KLHL20: variants seen among roughly 807,000 people sequenced by gnomAD.
KLHL20 encodes kelch-like protein 20.
Under a neutral mutation model 69.5 loss-of-function variants are expected in KLHL20, and 29 were observed. The observed-to-expected ratio is 0.42, with a 90% CI of 0.31 to 0.57. The LOEUF (loss-of-function observed/expected upper bound fraction) is 0.57. KLHL20 is among the 20% of genes least tolerant of loss of function. The pLI, the probability that KLHL20 is intolerant of heterozygous loss-of-function variation, is 0.18. For missense variants in KLHL20, 419 were observed against 776.0 expected (o/e 0.54, Z 5.47); for synonymous variants, 253 against 265.2 (o/e 0.95, Z 0.45).
intron 2 of KLHL20, among the ~76,000 whole-genome samples, chr1:173,732,667 A>G (rs1184493745): frequency 6.6e-6 from 1 of 152,220 alleles, no homozygotes; most frequent in Non-Finnish European, 1.5e-5. Flanking sequence ...TACCATAGAA[A>G]AATGCAAACC....
intron 2 of KLHL20, among the ~76,000 whole-genome samples, chr1:173,726,593 A>G (rs566555284): frequency 3.9e-5 from 6 of 152,280 alleles, no homozygotes; most frequent in South Asian, 4.1e-4. Flanking sequence ...TTGTTCACCA[A>G]TATCCGCTGT....
intron 2 of KLHL20, among the ~76,000 whole-genome samples, chr1:173,731,476 A>G (rs959283346): frequency 6.6e-6 from 1 of 152,222 alleles, no homozygotes; most frequent in Admixed American, 6.5e-5. Flanking sequence ...CCAAATGTCC[A>G]ACAGTGATAG....
At chr1:173,729,030 A>T (rs1483801817) in intron 2 of KLHL20, among the ~76,000 whole-genome samples, 2 of 152,244 alleles carry the variant, frequency 1.3e-5, no homozygotes, top group South Asian at 2.1e-4. Context: ...GCAATAAAAA[A>T]TGATAAAGGG....
chr1:173,745,246 A>G (rs1287041140), intron 3 of KLHL20, among the ~76,000 whole-genome samples: 2 of 137,908 alleles, frequency 1.5e-5, no homozygotes, highest in Non-Finnish European at 3.0e-5. Flanking sequence ...ACCTCCACTC[A>G]CTGCAACCTC....
intron 7 of KLHL20, among the ~76,000 whole-genome samples, chr1:173,763,773 CTG>C (rs376974770): frequency 1.6e-3 from 239 of 150,648 alleles, no homozygotes; most frequent in Middle Eastern, 0.01. Context: ...AGACCTGAAA[CTG>C]TAAAAATTCT....
At chr1:173,726,255 G>A (rs911534124) in intron 2 of KLHL20, among the ~76,000 whole-genome samples, 6 of 151,976 alleles carry the variant, frequency 3.9e-5, no homozygotes, top group East Asian at 1.9e-4. Flanking sequence ...TGGGAAGCTC[G>A]AACGTGGTGG....
At chr1:173,782,060 C>T (rs1648914843) in intron 10 of KLHL20, 64 bp from the exon 11 acceptor site, 2 of 1,081,690 alleles carry the variant, frequency 1.8e-6, no homozygotes, top group East Asian at 2.4e-5. Context: ...ATCTAGAAAC[C>T]AGTCTATAAT....
intron 8 of KLHL20, among the ~76,000 whole-genome samples, chr1:173,771,348 G>A (rs1299280956): frequency 6.6e-6 from 1 of 152,146 alleles, no homozygotes; most frequent in Non-Finnish European, 1.5e-5. Context: ...AGGCTGCAGT[G>A]AGCTATGATC....
At chr1:173,781,476 C>G (rs1648873456) in intron 10 of KLHL20, among the ~76,000 whole-genome samples, 1 of 152,112 alleles carries the variant, frequency 6.6e-6, no homozygotes, top group Non-Finnish European at 1.5e-5. Flanking sequence ...CCACCACACC[C>G]AGCTAATTTT....
chr1:173,774,323 C>T lies in KLHL20; in HGVS notation c.1314C>T (p.Asn438=). ...NIVERYDPKE[N]KWTRVASMST... is the part of the protein sequence containing the mutation. Reference sequence around the variant, plus strand: ...ACTGCAGGTATGATCCGAAGGAGAACAAGTGGACTCGGGTAGCTTCTATGA... The same window carrying T: ...ACTGCAGGTATGATCCGAAGGAGAATAAGTGGACTCGGGTAGCTTCTATGA... Residue 438 remains asparagine (N), a synonymous_variant, in exon 9 of 12, where the codon AAC becomes AAT. Coordinates refer to ENST00000209884, the MANE Select transcript of KLHL20 (RefSeq NM_014458.4). 1 of 1,614,078 alleles carries T rather than the reference C, an allele frequency of 6.2e-7. No homozygotes were observed. The highest frequency in any genetic ancestry group is 8.5e-7 in the Non-Finnish European group (1 of 1,179,994).
chr1:173,730,001 G>A (rs1225943975), intron 2 of KLHL20, among the ~76,000 whole-genome samples: 3 of 152,192 alleles, frequency 2.0e-5, no homozygotes, highest in Non-Finnish European at 4.4e-5. Flanking sequence ...TCCTTAAGCT[G>A]ATAAGCAACT....
intron 3 of KLHL20, among the ~76,000 whole-genome samples, chr1:173,742,669 A>G (rs1052447230): frequency 4.6e-5 from 7 of 151,026 alleles, no homozygotes; most frequent in Non-Finnish European, 8.9e-5. Flanking sequence ...ACGTATGTGT[A>G]TATATATGCA....
intron 4 of KLHL20, among the ~76,000 whole-genome samples, chr1:173,752,617 A>G (rs898706301): frequency 6.6e-6 from 1 of 152,242 alleles, no homozygotes; most frequent in Non-Finnish European, 1.5e-5. Flanking sequence ...AGTGATCAGT[A>G]GTTCACTTAA....
intron 10 of KLHL20, among the ~76,000 whole-genome samples, chr1:173,777,137 G>A (rs1343341799): frequency 1.3e-5 from 2 of 151,808 alleles, no homozygotes; most frequent in African/African-American, 4.8e-5. Context: ...TCACTTCTTT[G>A]GTTCAGTTTA....
Position 173,786,312 on chromosome 1 carries a change from C to CATT in KLHL20, c.*1068_*1070dup, listed in dbSNP as rs1257531141. On this transcript the variant is annotated 3_prime_UTR_variant, in exon 12 of 12. Coordinates refer to ENST00000209884, the MANE Select transcript of KLHL20 (RefSeq NM_014458.4). ...TGGTTCTTTTATACAAACAATGTATCATTATCTTCATTCTATAAGGTCATT... is the reference window on the plus strand; with the variant it reads ...TGGTTCTTTTATACAAACAATGTATCATTATTATCTTCATTCTATAAGGTCATT... 2 of 152,594 alleles carry CATT rather than the reference C, an allele frequency of 1.3e-5. No homozygotes were observed. The highest frequency in any genetic ancestry group is 2.4e-5 in the African/African-American group (1 of 41,448). 9.5% of individuals were successfully genotyped at this position (152,594 alleles called of 1,614,324 possible). A position where few individuals can be genotyped will look rare whatever the true frequency, so the allele number is the denominator to read the frequency against.
At chr1:173,751,705 C>T in intron 3 of KLHL20, 59 bp from the exon 4 acceptor site, 1 of 1,538,062 alleles carries the variant, frequency 6.5e-7, no homozygotes, top group Non-Finnish European at 8.9e-7. Context: ...TGAAGAAAAA[C>T]ACTGAGACAA....
At chr1:173,776,635 A>G (rs1000553863) in intron 10 of KLHL20, among the ~76,000 whole-genome samples, 1 of 152,080 alleles carries the variant, frequency 6.6e-6, no homozygotes, top group Non-Finnish European at 1.5e-5. Flanking sequence ...CATTCTGCAT[A>G]TAGTTACCTG....
rs548175413 is a variant in KLHL20, at chr1:173,756,745, T to C, written c.968-231T>C. On this transcript the variant is annotated intron_variant, in intron 6 of 11. Coordinates refer to ENST00000209884, the MANE Select transcript of KLHL20 (RefSeq NM_014458.4). The stretch of plus-strand genomic sequence containing the variant: ...ATATTATCTCATAATCCTATGTGAA[T>C]TGGTATCATTGCCTTCCTTTGTAAA... Among the ~76,000 whole-genome samples the C allele has an allele frequency of 1.2e-4, 19 of 152,314 alleles. 2 individuals are homozygous for C. In the East Asian group the frequency reaches 3.7e-3, roughly 29 times the overall value.
intron 8 of KLHL20, among the ~76,000 whole-genome samples, chr1:173,773,809 C>T (rs10912690): frequency 1.3e-5 from 2 of 151,980 alleles, no homozygotes; most frequent in Non-Finnish European, 2.9e-5. Context: ...GTCAGGAGAT[C>T]GAGACCCTCC....
Sources: gnomAD v4.1 joint callset for allele counts (sites outside exome capture counted in the v4.1 genomes callset) on GRCh38, gnomAD v4.1.1 for gene constraint, MANE v1.5 for transcripts, NCBI Gene and HGNC (gene_info 2026-07-23, HGNC 2026-07-21) for gene names.